The following PDE3B variants were observed in gnomAD, a reference collection of about 807,000 sequenced individuals.
PDE3B encodes the protein phosphodiesterase 3B.
Under a neutral mutation model 116.8 loss-of-function variants are expected in PDE3B, and 66 were observed. The observed-to-expected ratio is 0.56, with a 90% CI of 0.46 to 0.69. The LOEUF is 0.69. Ranked by LOEUF, PDE3B falls within the 30% of genes least tolerant of loss-of-function variation. The pLI, the probability that PDE3B is intolerant of heterozygous loss-of-function variation, is 0.00. For missense variants in PDE3B, 1,384 were observed against 1,368.1 expected, an observed-to-expected ratio of 1.01 and a Z score of -0.18; for synonymous variants, 595 against 533.6, an observed-to-expected ratio of 1.12 and a Z score of -1.59.
At chr11:14,794,953 G>A (rs567873021) in intron 4 of PDE3B, among the ~76,000 whole-genome samples, 4 of 152,278 alleles carry the variant, frequency 2.6e-5, no homozygotes, top group African/African-American at 7.2e-5. Flanking sequence ...CTGTGGAGTT[G>A]GAGTATACCA....
At chr11:14,788,754 TGATCCTAA>T (rs1429552008) in intron 3 of PDE3B, among the ~76,000 whole-genome samples, 1 of 152,010 alleles carries the variant, frequency 6.6e-6, no homozygotes, top group Non-Finnish European at 1.5e-5. Flanking sequence ...TGATCATCCC[TGATCCTAA>T]GATTGTCCTC....
At chr11:14,827,339 A>C (rs1288416071) in intron 7 of PDE3B, among the ~76,000 whole-genome samples, 3 of 152,128 alleles carry the variant, frequency 2.0e-5, no homozygotes, top group Non-Finnish European at 4.4e-5. Context: ...AAAGAGAAAG[A>C]AATAAAGGGC....
chr11:14,680,254 C>T (rs907525089), intron 1 of PDE3B, among the ~76,000 whole-genome samples: 19 of 152,200 alleles, frequency 1.2e-4, no homozygotes, highest in Admixed American at 1.1e-3. Context: ...ACTGTTTGGC[C>T]CCAGTATTGT....
chr11:14,833,793 G>T (rs1213053730), intron 10 of PDE3B, among the ~76,000 whole-genome samples: 2 of 152,096 alleles, frequency 1.3e-5, no homozygotes, highest in African/African-American at 4.8e-5. Flanking sequence ...TTTAAGATGA[G>T]TTACATATAC....
chr11:14,667,715 CATT>C, intron 1 of PDE3B, among the ~76,000 whole-genome samples: 1 of 151,394 alleles, frequency 6.6e-6, no homozygotes, highest in Non-Finnish European at 1.5e-5. Flanking sequence ...GGAGGGATAG[CATT>C]AGGAGATATA....
At chr11:14,890,791 G>T in the PDE3B span, 12 of 835,224 alleles carry the variant, frequency 1.4e-5, no homozygotes, top group Non-Finnish European at 1.6e-5. Context: ...TTCGTGATCC[G>T]CCCGCCTCGG....
In PDE3B at chr11:14,871,567, T is replaced by C. The variant is rs1401940190; in HGVS notation, c.*1907T>C. 1 of 152,202 alleles carries C rather than the reference T, an allele frequency of 6.6e-6. No homozygotes were observed. Among genetic ancestry groups the C allele is most frequent in the Non-Finnish European group, 1.5e-5 (1 of 68,022 alleles). The allele number at this position is 152,202 out of a possible 1,614,324, so 9.4% of individuals were successfully genotyped here. A position where few individuals can be genotyped will look rare whatever the true frequency, so the allele number is the denominator to read the frequency against. ...TACTGTCTGTTATTTTATTGGGTTT[T>C]ATATTGGGTTTCTTTAGTTTATGTT... is the stretch of plus-strand genomic sequence containing the variant. On this transcript the variant is annotated 3_prime_UTR_variant, in exon 16 of 16. Transcript: ENST00000282096.
intron 2 of PDE3B, chr11:14,775,716 T>C (rs1033746200): frequency 1.3e-5 from 2 of 152,164 alleles, no homozygotes; most frequent in African/African-American, 4.8e-5. Context: ...TTTGTATTTT[T>C]AGTAGAGATG....
intron 5 of PDE3B, among the ~76,000 whole-genome samples, chr11:14,807,135 G>A (rs1017076372): frequency 7.2e-5 from 11 of 152,056 alleles, no homozygotes; most frequent in South Asian, 2.1e-4. Flanking sequence ...GAGGGATAGC[G>A]TTAAGAGAAA....
chr11:14,842,764 A>T (rs1847501651), intron 11 of PDE3B, among the ~76,000 whole-genome samples: 1 of 152,186 alleles, frequency 6.6e-6, no homozygotes, highest in African/African-American at 2.4e-5. Flanking sequence ...TAAAAACATA[A>T]ATTTTAAAAA....
At chr11:14,823,616 T>G (rs1280987322) in intron 7 of PDE3B, among the ~76,000 whole-genome samples, 1 of 152,026 alleles carries the variant, frequency 6.6e-6, no homozygotes, top group Admixed American at 6.6e-5. Context: ...TGCTGGTGTT[T>G]TCTGACCAGC....
intron 12 of PDE3B, among the ~76,000 whole-genome samples, chr11:14,852,387 G>A (rs991883610): frequency 3.3e-5 from 5 of 152,164 alleles, no homozygotes; most frequent in Admixed American, 1.3e-4. Context: ...TTTCATTTTC[G>A]TAAAGTATAT....
intron 1 of PDE3B, among the ~76,000 whole-genome samples, chr11:14,665,717 A>C (rs996877533): frequency 6.6e-6 from 1 of 152,242 alleles, no homozygotes; most frequent in Non-Finnish European, 1.5e-5. Flanking sequence ...TAGGAATCCA[A>C]CTTACAAAGG....
intron 5 of PDE3B, among the ~76,000 whole-genome samples, chr11:14,805,279 G>T (rs752047587): frequency 1.2e-4 from 19 of 152,154 alleles, no homozygotes; most frequent in Non-Finnish European, 1.9e-4. Context: ...CAACAATAAT[G>T]ATATTGACAG....
At chr11:14,895,076 C>T in the PDE3B span, among the ~76,000 whole-genome samples, 1 of 152,228 alleles carries the variant, frequency 6.6e-6, no homozygotes, top group African/African-American at 2.4e-5. Context: ...TGAACCCAAG[C>T]TCCAGGGCTC....
chr11:14,795,885 T>C (rs941024961), intron 4 of PDE3B, among the ~76,000 whole-genome samples: 5 of 152,144 alleles, frequency 3.3e-5, no homozygotes, highest in Non-Finnish European at 7.3e-5. Flanking sequence ...TTATTATTAT[T>C]ATCATTATAC....
chr11:14,877,856 T>C, the PDE3B span: 1 of 429,534 alleles, frequency 2.3e-6, no homozygotes, highest in Non-Finnish European at 4.1e-6. Flanking sequence ...AGGGCGTCCA[T>C]GACCCTTCTT....
chr11:14,714,762 A>G (rs1855827190), intron 1 of PDE3B, among the ~76,000 whole-genome samples: 1 of 152,034 alleles, frequency 6.6e-6, no homozygotes, highest in South Asian at 2.1e-4. Context: ...TGGCTGAAAA[A>G]TGGAATTTTA....
At chr11:14,874,136 C>G (rs535273261), downstream of PDE3B, among the ~76,000 whole-genome samples, 1 of 152,160 alleles carries the variant, frequency 6.6e-6, no homozygotes, top group South Asian at 2.1e-4. Flanking sequence ...TTTAGAATTA[C>G]AAAGTGCACT....
Sources: allele counts gnomAD v4.1 joint callset (sites outside exome capture counted in the v4.1 genomes callset), GRCh38; gene constraint gnomAD v4.1.1; transcripts MANE v1.5; gene names NCBI Gene and HGNC (gene_info 2026-07-23, HGNC 2026-07-21).